The following SRBD1 variants were observed in gnomAD, a reference collection of about 807,000 sequenced individuals.
SRBD1 encodes the protein S1 RNA-binding domain-containing protein 1.
Under a neutral mutation model 115.3 loss-of-function variants are expected in SRBD1, and 88 were observed. The ratio of observed to expected loss-of-function variants is 0.76; its 90% CI spans 0.64 to 0.91. The LOEUF (loss-of-function observed/expected upper bound fraction) is 0.91. Ranked by LOEUF, SRBD1 falls within the 40% of genes least tolerant of loss-of-function variation. The pLI is 0.00. For missense variants in SRBD1, 1,385 were observed against 1,177.4 expected (o/e 1.18, Z -2.58); for synonymous variants, 509 against 407.7 (o/e 1.25, Z -2.99).
chr2:45,512,796 T>C (rs749417979), intron 14 of SRBD1, among the ~76,000 whole-genome samples: 1 of 152,166 alleles, frequency 6.6e-6, no homozygotes, highest in African/African-American at 2.4e-5. Context: ...TATGATTGTA[T>C]GTTTGGAATT....
intron 15 of SRBD1, among the ~76,000 whole-genome samples, chr2:45,485,359 T>G (rs573988200): frequency 2.0e-5 from 3 of 150,292 alleles, no homozygotes; most frequent in Non-Finnish European, 2.9e-5. Flanking sequence ...CTTCAAATCT[T>G]GTTGTTGTTG....
chr2:45,599,856 C>T, intron 3 of SRBD1, 21 bp from the exon 4 acceptor site: 8 of 1,581,648 alleles, frequency 5.1e-6, no homozygotes, highest in Non-Finnish European at 6.0e-6. Flanking sequence ...ACAAAGAGAA[C>T]ATATGAGAAT....
At chr2:45,604,252 A>C (rs562103096) in intron 2 of SRBD1, among the ~76,000 whole-genome samples, 20 of 151,998 alleles carry the variant, frequency 1.3e-4, no homozygotes, top group African/African-American at 4.6e-4. Flanking sequence ...AAAACCTTCC[A>C]GTGGCCTCCC....
intron 12 of SRBD1, among the ~76,000 whole-genome samples, chr2:45,548,717 C>A (rs572927133): frequency 4.9e-4 from 68 of 139,920 alleles, no homozygotes; most frequent in African/African-American, 6.0e-4. Context: ...TGAACAGATG[C>A]AAAAAAAAAA....
intron 14 of SRBD1, among the ~76,000 whole-genome samples, chr2:45,495,313 C>A (rs1024462583): frequency 6.6e-6 from 1 of 152,062 alleles, no homozygotes; most frequent in African/African-American, 2.4e-5. Flanking sequence ...CCTTCAAATG[C>A]CATCATGGGG....
intron 7 of SRBD1, among the ~76,000 whole-genome samples, 181 bp downstream of exon 7, chr2:45,579,694 C>G (rs1673285003): frequency 6.6e-6 from 1 of 151,716 alleles, no homozygotes; most frequent in Admixed American, 6.6e-5. Flanking sequence ...GGCACTTCAT[C>G]AAAAGAGAAA....
chr2:45,419,682 T>C, intron 17 of SRBD1, 106 bp downstream of exon 17: 2 of 889,998 alleles, frequency 2.2e-6, no homozygotes, highest in Non-Finnish European at 3.7e-6. Context: ...ATAGACGTTC[T>C]CTACTTGACA....
At chr2:45,565,349 A>G (rs1310007695) in intron 9 of SRBD1, among the ~76,000 whole-genome samples, 1 of 152,218 alleles carries the variant, frequency 6.6e-6, no homozygotes, top group Non-Finnish European at 1.5e-5. Flanking sequence ...CTGATTTTCA[A>G]CAAGGGTACC....
At chr2:45,436,291 T>C (rs1259039157) in intron 16 of SRBD1, among the ~76,000 whole-genome samples, 1 of 152,160 alleles carries the variant, frequency 6.6e-6, no homozygotes, top group African/African-American at 2.4e-5. Context: ...ACAAAAACCC[T>C]ACAGCTAACA....
At chr2:45,447,694 T>C (rs1428025594) in intron 16 of SRBD1, 17 of 152,296 alleles carry the variant, frequency 1.1e-4, no homozygotes, top group South Asian at 6.2e-4. Flanking sequence ...ACCATGAAAG[T>C]TGAATATCAA....
intron 19 of SRBD1, among the ~76,000 whole-genome samples, chr2:45,402,867 G>A (rs1414441282): frequency 2.6e-5 from 4 of 152,116 alleles, no homozygotes; most frequent in Non-Finnish European, 4.4e-5. Flanking sequence ...AGAGGAAATC[G>A]GATACCTGCC....
chr2:45,597,304 C>T (rs1194441914), intron 4 of SRBD1, among the ~76,000 whole-genome samples: 1 of 151,890 alleles, frequency 6.6e-6, no homozygotes, highest in Non-Finnish European at 1.5e-5. Context: ...CCTGTGGTTC[C>T]AGCTACTCAG....
chr2:45,491,199 TTC>T (rs779428361), intron 14 of SRBD1, among the ~76,000 whole-genome samples: 1 of 152,168 alleles, frequency 6.6e-6, no homozygotes, highest in Non-Finnish European at 1.5e-5. Context: ...CGAAAACACT[TTC>T]TGTTTGATGG....
intron 19 of SRBD1, among the ~76,000 whole-genome samples, chr2:45,402,995 CT>C (rs1667332339): frequency 6.6e-6 from 1 of 152,144 alleles, no homozygotes; most frequent in African/African-American, 2.4e-5. Flanking sequence ...AGCAATTTTA[CT>C]TATGGTTTAT....
At chr2:45,416,917 T>C (rs1667849364) in intron 18 of SRBD1, among the ~76,000 whole-genome samples, 2 of 152,162 alleles carry the variant, frequency 1.3e-5, no homozygotes, top group Non-Finnish European at 2.9e-5. Context: ...TAGCTGGGAT[T>C]ACAGGTGAGC....
rs772619779 is a variant in SRBD1, at chr2:45,413,147, C to A, written c.2480G>T (p.Cys827Phe). Residue 827 changes from cysteine (C) to phenylalanine (F), a missense_variant, in exon 19 of 21, where the codon TGT becomes TTT. Cys to Phe is a radical substitution (Grantham distance 205, BLOSUM62 -2). Coordinates refer to ENST00000263736, the MANE Select transcript of SRBD1 (RefSeq NM_018079.5). ...LLKPNPLDQT[C>F]IHPESYDIAM... Reference sequence around the variant, plus strand: ...TATGTCATATGATTCTGGATGAATACAAGTTTGGTCCAAAGGATTTGGCTT... The same window carrying A: ...TATGTCATATGATTCTGGATGAATAAAAGTTTGGTCCAAAGGATTTGGCTT... 1.2e-6 allele frequency: 2 copies of A among 1,614,002 alleles called. No homozygotes were observed. Among genetic ancestry groups the A allele is most frequent in the African/African-American group, 1.3e-5 (1 of 75,048 alleles).
intron 14 of SRBD1, among the ~76,000 whole-genome samples, chr2:45,529,575 T>C (rs906608267): frequency 6.6e-6 from 1 of 151,846 alleles, no homozygotes; most frequent in African/African-American, 2.4e-5. Context: ...AAAATCTGAT[T>C]TCATGGTAGA....
chr2:45,535,007 A>T (rs1180454175), intron 14 of SRBD1, among the ~76,000 whole-genome samples: 1 of 152,008 alleles, frequency 6.6e-6, no homozygotes, highest in East Asian at 1.9e-4. Flanking sequence ...TATCCTTATT[A>T]AAATTCATAT....
At chr2:45,477,630 G>C (rs1227544749) in intron 15 of SRBD1, among the ~76,000 whole-genome samples, 2 of 152,144 alleles carry the variant, frequency 1.3e-5, no homozygotes, top group African/African-American at 4.8e-5. Context: ...GTTCACTGCA[G>C]CTTTGAACTC....
Sources: gnomAD v4.1 joint callset for allele counts (sites outside exome capture counted in the v4.1 genomes callset) on GRCh38, gnomAD v4.1.1 for gene constraint, MANE v1.5 for transcripts, NCBI Gene and HGNC (gene_info 2026-07-23, HGNC 2026-07-21) for gene names.